Variants in NPSR1 observed in about 807,000 individuals in gnomAD.
NPSR1 encodes neuropeptide S receptor 1, also known as neuropeptide S receptor.
In NPSR1, 48 loss-of-function variants were observed where a neutral mutation model predicts 46.9. The ratio of observed to expected loss-of-function variants is 1.02; its 90% CI spans 0.81 to 1.30. The LOEUF is 1.30. Ranked by LOEUF, NPSR1 falls within the 50% of genes most tolerant of loss-of-function variation. NPSR1 has a pLI of 0.00. For synonymous variants in NPSR1, 176 were observed against 168.1 expected (o/e 1.05, Z -0.36); for missense variants, 450 against 449.5 (o/e 1.00, Z -0.01).
At chr7:34,659,257 A>G (rs182385028) in intron 1 of NPSR1, among the ~76,000 whole-genome samples, 2 of 152,356 alleles carry the variant, frequency 1.3e-5, no homozygotes, top group Admixed American at 1.3e-4. Flanking sequence ...TGAACCGCAC[A>G]TTTGGGAAAA....
chr7:34,791,165 T>C (rs1183993223), intron 3 of NPSR1, among the ~76,000 whole-genome samples: 3 of 115,300 alleles, frequency 2.6e-5, no homozygotes, highest in African/African-American at 1.0e-4. Flanking sequence ...ATATTATATA[T>C]GTTATATATT....
intron 6 of NPSR1, among the ~76,000 whole-genome samples, chr7:34,838,417 G>A (rs1218143188): frequency 6.6e-6 from 1 of 152,186 alleles, no homozygotes; most frequent in Non-Finnish European, 1.5e-5. Flanking sequence ...AGGGCAGCTG[G>A]TATTCTCAGA....
intron 4 of NPSR1, among the ~76,000 whole-genome samples, chr7:34,814,986 T>C (rs941408336): frequency 2.0e-5 from 3 of 152,010 alleles, no homozygotes; most frequent in Non-Finnish European, 4.4e-5. Context: ...AGCTGAAAAT[T>C]CTAAAAATCA....
chr7:34,689,478 G>A (rs1340180217), intron 2 of NPSR1, among the ~76,000 whole-genome samples: 4 of 151,552 alleles, frequency 2.6e-5, no homozygotes, highest in Admixed American at 1.3e-4. Context: ...GGTGGTGGAC[G>A]CCTGTAGTCA....
chr7:34,784,395 G>T (rs1009461938), intron 3 of NPSR1, among the ~76,000 whole-genome samples: 2 of 151,996 alleles, frequency 1.3e-5, no homozygotes, highest in Non-Finnish European at 2.9e-5. Flanking sequence ...TAGCATGAAG[G>T]GTTGTTGAAT....
chr7:34,811,449 G>A lies in NPSR1; in HGVS notation c.385-321G>A, dbSNP rs527314943. 7.9e-5 allele frequency among the ~76,000 whole-genome samples: 12 copies of A among 152,176 alleles called. 1 individual carries two copies. Among genetic ancestry groups the A allele is most frequent in the Middle Eastern group, 3.4e-3 (1 of 294 alleles). On this transcript the variant is annotated intron_variant, in intron 3 of 8. Coordinates refer to ENST00000360581, the MANE Select transcript of NPSR1 (RefSeq NM_207172.2). ...CTCCTCCTGGAGCCTGGGATTTGGG[G>A]TTTATATGGGTACAGGATAGGGGCA...
intron 1 of NPSR1, among the ~76,000 whole-genome samples, chr7:34,682,216 C>T (rs1223543524): frequency 6.6e-6 from 1 of 152,198 alleles, no homozygotes; most frequent in Non-Finnish European, 1.5e-5. Flanking sequence ...GAGCTTGGCA[C>T]AGGAGGGCTG....
chr7:34,783,637 C>A (rs1010498593), intron 3 of NPSR1, among the ~76,000 whole-genome samples: 3 of 151,726 alleles, frequency 2.0e-5, no homozygotes, highest in Admixed American at 6.6e-5. Context: ...GGGAAAGATA[C>A]AAATATCCAG....
chr7:34,803,850 T>C (rs918398203), intron 3 of NPSR1, among the ~76,000 whole-genome samples: 4 of 151,448 alleles, frequency 2.6e-5, no homozygotes, highest in African/African-American at 7.3e-5. Flanking sequence ...AAAAGAATGA[T>C]AAATAAATAC....
intron 2 of NPSR1, chr7:34,718,774 G>A (rs1010381882): frequency 2.0e-5 from 3 of 152,184 alleles, no homozygotes; most frequent in Non-Finnish European, 4.4e-5. Context: ...GAAGTAGCAG[G>A]ATCTGTCTCT....
At chr7:34,787,620 G>C (rs957849166) in intron 3 of NPSR1, among the ~76,000 whole-genome samples, 1 of 152,046 alleles carries the variant, frequency 6.6e-6, no homozygotes, top group Non-Finnish European at 1.5e-5. Flanking sequence ...TTTAAAGTGA[G>C]ACATGTGTGA....
chr7:34,703,997 G>A (rs1793979840), intron 2 of NPSR1: 1 of 152,186 alleles, frequency 6.6e-6, no homozygotes, highest in Non-Finnish European at 1.5e-5. Flanking sequence ...AAGGAAATTA[G>A]CTTTGCTTCA....
intron 3 of NPSR1, among the ~76,000 whole-genome samples, chr7:34,792,703 A>ATATTTATATATATATG (rs1787974338): frequency 1.1e-5 from 1 of 88,574 alleles, no homozygotes; most frequent in Non-Finnish European, 2.4e-5. Flanking sequence ...ATATATACGT[A>ATATTTATATATATATG]TATATATATA....
chr7:34,779,514 AT>A (rs1317760088), intron 3 of NPSR1: 11 of 959,714 alleles, frequency 1.1e-5, no homozygotes, highest in South Asian at 2.6e-5. Context: ...TAAAATTTTA[AT>A]TTTTTTCATT....
At chr7:34,685,541 A>T (rs1474255007) in intron 2 of NPSR1, among the ~76,000 whole-genome samples, 1 of 152,224 alleles carries the variant, frequency 6.6e-6, no homozygotes. Flanking sequence ...TTAAATGCTT[A>T]CAAGGAGTGA....
At chr7:34,773,497 A>C (rs1786788311) in intron 2 of NPSR1, among the ~76,000 whole-genome samples, 1 of 152,176 alleles carries the variant, frequency 6.6e-6, no homozygotes, top group Admixed American at 6.5e-5. Flanking sequence ...AGATCAGGAA[A>C]GGAAAGCTTA....
At chr7:34,715,911 G>A (rs1783537396) in intron 2 of NPSR1, among the ~76,000 whole-genome samples, 1 of 152,166 alleles carries the variant, frequency 6.6e-6, no homozygotes, top group South Asian at 2.1e-4. Flanking sequence ...GTAGTTAGCA[G>A]ATGGAGTTCT....
Position 34,810,268 on chromosome 7 carries a change from C to T in NPSR1, c.385-1502C>T, listed in dbSNP as rs887601999. On this transcript the variant is annotated intron_variant, in intron 3 of 8. Transcript: ENST00000360581. ...TACAAAGTGGAGATACAGCCAGACTCTTGATAGAAATGAGGCTCCAAGTTA... is the reference window on the plus strand; with the variant it reads ...TACAAAGTGGAGATACAGCCAGACTTTTGATAGAAATGAGGCTCCAAGTTA... Among the ~76,000 whole-genome samples, 5 of 152,330 alleles carry T rather than the reference C, an allele frequency of 3.3e-5. No individual in the cohort carries two copies. In the South Asian group the frequency reaches 8.3e-4, roughly 25 times the overall value.
At chr7:34,806,009 T>C (rs1788681833) in intron 3 of NPSR1, among the ~76,000 whole-genome samples, 1 of 151,794 alleles carries the variant, frequency 6.6e-6, no homozygotes. Flanking sequence ...ATCACTAAAA[T>C]TCAAAAAAAA....
Sources: gnomAD v4.1 joint callset for allele counts (sites outside exome capture counted in the v4.1 genomes callset) on GRCh38, gnomAD v4.1.1 for gene constraint, MANE v1.5 for transcripts, NCBI Gene and HGNC (gene_info 2026-07-23, HGNC 2026-07-21) for gene names.